Variants in NUP214 observed in about 807,000 individuals in gnomAD.
NUP214 encodes nucleoporin 214.
In NUP214, 79 loss-of-function variants were observed where a neutral mutation model predicts 196.2. The observed-to-expected ratio is 0.40, with a 90% CI of 0.34 to 0.49. The LOEUF is 0.49. Ranked by LOEUF, NUP214 falls within the 20% of genes least tolerant of loss-of-function variation. The pLI, the probability that NUP214 is intolerant of heterozygous loss-of-function variation, is 0.58. For missense variants in NUP214, 2,468 were observed against 2,539.0 expected (o/e 0.97, Z 0.60); for synonymous variants, 1,020 against 990.5 (o/e 1.03, Z -0.56).
chr9:131,165,196 A>G (rs570171769), intron 21 of NUP214: 1 of 152,182 alleles, frequency 6.6e-6, no homozygotes, highest in Admixed American at 6.6e-5. Context: ...TGGCTGAGGC[A>G]GGAGGGTTGC....
chr9:131,163,622 C>T (rs1035840292), intron 19 of NUP214, among the ~76,000 whole-genome samples: 10 of 152,114 alleles, frequency 6.6e-5, no homozygotes, highest in African/African-American at 2.4e-4. Flanking sequence ...GCTTTTAGGC[C>T]AAATGTATAA....
At chr9:131,203,955 G>A (rs1834008128) in intron 30 of NUP214, among the ~76,000 whole-genome samples, 1 of 152,202 alleles carries the variant, frequency 6.6e-6, no homozygotes, top group Non-Finnish European at 1.5e-5. Context: ...CTTCAGCTGG[G>A]ACTCCATGTT....
rs1172497105 is a variant in NUP214 at position 131,136,023 on chromosome 9, T to G, written c.1005+17T>G. On this transcript the variant is annotated intron_variant, in intron 9 of 35. Coordinates refer to ENST00000359428, the MANE Select transcript of NUP214 (RefSeq NM_005085.4). ...AGTGATCAGGTAAATCTCTTTTTTGTCACTTCTGTGGTGCTTTCTTTTTTA... is the reference window on the plus strand; with the variant it reads ...AGTGATCAGGTAAATCTCTTTTTTGGCACTTCTGTGGTGCTTTCTTTTTTA... 6.3e-7 allele frequency: 1 copy of G among 1,597,938 alleles called. No individual in the cohort carries two copies. The highest frequency in any genetic ancestry group is 8.6e-7 in the Non-Finnish European group (1 of 1,165,682).
chr9:131,171,599 A>G (rs932090083), intron 21 of NUP214, among the ~76,000 whole-genome samples: 13 of 148,376 alleles, frequency 8.8e-5, no homozygotes, highest in Non-Finnish European at 1.8e-4. Flanking sequence ...CATGTGCACA[A>G]TGTGCAGGTT....
intron 9 of NUP214, chr9:131,136,608 T>G (rs1831736672): frequency 6.6e-6 from 1 of 152,280 alleles, no homozygotes; most frequent in Non-Finnish European, 1.5e-5. Context: ...CTATACAATT[T>G]AATGATAATC....
At chr9:131,159,349 A>G in intron 17 of NUP214, 34 bp from the exon 18 acceptor site, 1 of 1,511,684 alleles carries the variant, frequency 6.6e-7, no homozygotes, top group Non-Finnish European at 9.1e-7. Context: ...TATCAGAAAA[A>G]CAAGTTATTT....
chr9:131,195,900 C>A (rs1411085670), intron 28 of NUP214, among the ~76,000 whole-genome samples: 1 of 151,882 alleles, frequency 6.6e-6, no homozygotes, highest in African/African-American at 2.4e-5. Context: ...TGGCGCATAC[C>A]TATAATCCCA....
chr9:131,152,200 A>T (rs710078), intron 17 of NUP214, among the ~76,000 whole-genome samples: 95,405 of 152,018 alleles, frequency 0.63, 30,562 homozygotes, highest in Admixed American at 0.74. Context: ...CTGCAGCCTT[A>T]CTTCCTGGGC....
rs534558547 is a variant in NUP214 at position 131,127,939 on chromosome 9, T to C, written c.241+220T>C. On this transcript the variant is annotated intron_variant, in intron 2 of 35. Transcript: ENST00000359428. ...CCTCTCAGCTCAACAGGGAAGAACT[T>C]AACCATTATGCCATGCTTTTATTTT... is the stretch of plus-strand genomic sequence containing the variant. Among the ~76,000 whole-genome samples the C allele has an allele frequency of 1.5e-4, 23 of 152,358 alleles. 1 individual carries two copies. The highest frequency in any genetic ancestry group is 3.9e-4 in the Admixed American group (6 of 15,300).
At chr9:131,214,137 A>G (rs543888380) in intron 30 of NUP214, among the ~76,000 whole-genome samples, 2 of 152,052 alleles carry the variant, frequency 1.3e-5, no homozygotes, top group Admixed American at 6.5e-5. Flanking sequence ...AGGAGGGGAT[A>G]CCCTAGGGGG....
chr9:131,167,086 G>A (rs1263599880), intron 21 of NUP214: 1 of 152,086 alleles, frequency 6.6e-6, no homozygotes. Flanking sequence ...ACCCCTACAC[G>A]TTGATTGGAT....
Position 131,125,830 on chromosome 9 carries a change from C to G in NUP214, c.45+81C>G, listed in dbSNP as rs564342580. The stretch of plus-strand genomic sequence containing the variant: ...CCCAGCTGAAAGGCGAAGCGCGGTG[C>G]TGGCTGTCCCGCCTCCTGCTTGAAC... On this transcript the variant is annotated intron_variant, in intron 1 of 35. Coordinates refer to ENST00000359428, the MANE Select transcript of NUP214 (RefSeq NM_005085.4). The surrounding 1 kb of genome is among the most constrained non-coding windows in gnomAD (Gnocchi z 4.1). 134 of 1,475,550 alleles carry G rather than the reference C, an allele frequency of 9.1e-5. 1 individual carries two copies. In the African/African-American group the frequency reaches 1.6e-3, roughly 17 times the overall value. The allele number at this position is 1,475,550 out of a possible 1,614,324, so 91.4% of individuals were successfully genotyped here. A position where few individuals can be genotyped will look rare whatever the true frequency, so the allele number is the denominator to read the frequency against.
chr9:131,139,255 C>CTTTTTTT (rs200377608), intron 9 of NUP214, 26 bp from the exon 10 acceptor site: 429 of 1,092,628 alleles, frequency 3.9e-4, no homozygotes, highest in South Asian at 8.2e-4. Context: ...TCTTCTTCTT[C>CTTTTTTT]TTTTTTTTTT....
At chr9:131,187,672 C>T (rs189326247) in intron 25 of NUP214, among the ~76,000 whole-genome samples, 5 of 152,324 alleles carry the variant, frequency 3.3e-5, no homozygotes, top group Non-Finnish European at 5.9e-5. Flanking sequence ...CAGGTGTGAG[C>T]CACCGTACCC....
intron 22 of NUP214, 87 bp from the exon 23 acceptor site, chr9:131,175,373 A>T (rs1833084924): frequency 1.4e-6 from 2 of 1,449,078 alleles, no homozygotes; most frequent in Non-Finnish European, 1.9e-6. Context: ...TTTTCCCTGC[A>T]GTCGAACATA....
At chr9:131,155,905 A>G (rs1832422246) in intron 17 of NUP214, among the ~76,000 whole-genome samples, 1 of 152,172 alleles carries the variant, frequency 6.6e-6, no homozygotes, top group Admixed American at 6.5e-5. Flanking sequence ...GTTTGAAGTC[A>G]GATAACGTGA....
intron 33 of NUP214, chr9:131,229,544 T>C (rs967017990): frequency 2.7e-6 from 1 of 365,878 alleles, no homozygotes; most frequent in Non-Finnish European, 5.4e-6. Flanking sequence ...AGTAGAAAAG[T>C]ATATTCTGCC....
chr9:131,164,703 G>C (rs908082687), intron 21 of NUP214: 2 of 152,052 alleles, frequency 1.3e-5, no homozygotes, highest in East Asian at 1.9e-4. Context: ...GCCGAAAAAG[G>C]CTTCTTTTAT....
chr9:131,229,660 C>T (rs777810763), intron 33 of NUP214: 3 of 505,282 alleles, frequency 5.9e-6, no homozygotes, highest in South Asian at 2.9e-5. Context: ...TACCTTCTTC[C>T]AGGTCCCTGG....
Sources: allele counts gnomAD v4.1 joint callset (sites outside exome capture counted in the v4.1 genomes callset), GRCh38; gene constraint gnomAD v4.1.1; non-coding constraint Gnocchi (gnomAD v3.1); transcripts MANE v1.5; gene names NCBI Gene and HGNC (gene_info 2026-07-23, HGNC 2026-07-21).